Variants in PLEKHM1 observed in about 807,000 individuals in gnomAD.
PLEKHM1 encodes pleckstrin homology and RUN domain containing M1.
PLEKHM1 carries 28 observed loss-of-function variants against 94.3 expected under a neutral mutation model. That is an observed-to-expected ratio of 0.30 (90% CI 0.22 to 0.41). The LOEUF is 0.41. Among genes scored for constraint, PLEKHM1 ranks in the 10% least tolerant of loss-of-function variants. PLEKHM1 has a pLI of 1.00. For missense variants in PLEKHM1, 907 were observed against 1,358.6 expected (o/e 0.67, Z 5.22); for synonymous variants, 424 against 581.2 (o/e 0.73, Z 3.89).
chr17:45,490,706 C>A lies in PLEKHM1; in HGVS notation c.-96G>T. ...GCTCCCGGCCGCGGCAGCCCCTCAG[C>A]CTCCGAGCCGACGATGCGGTCTCTC... On this transcript the variant is annotated 5_prime_UTR_variant, in exon 1 of 12. Transcript: ENST00000430334. The A allele has an allele frequency of 2.2e-6, 1 of 451,340 alleles. No individual in the cohort carries two copies. Among genetic ancestry groups the A allele is most frequent in the Admixed American group, 2.4e-5 (1 of 42,398 alleles). The allele number at this position is 451,340 out of a possible 1,614,324, so 28.0% of individuals were successfully genotyped here.
chr17:45,481,059 C>A, intron 2 of PLEKHM1, among the ~76,000 whole-genome samples: 1 of 152,174 alleles, frequency 6.6e-6, no homozygotes, highest in Non-Finnish European at 1.5e-5. Flanking sequence ...AATCTCTCCA[C>A]ATTTTTGCCA....
intron 2 of PLEKHM1, 134 bp downstream of exon 2, chr17:45,482,303 G>A: frequency 1.8e-6 from 1 of 550,002 alleles, no homozygotes; most frequent in South Asian, 1.7e-5. Context: ...GGTCTCCTCA[G>A]AGCCTGCTTG....
At position 45,468,376 on chromosome 17, in the gene PLEKHM1, G is replaced by A. The variant is rs1195688271; in HGVS notation, c.1141C>T (p.Pro381Ser). The stretch of plus-strand genomic sequence containing the variant: ...GGCTGCTGTAAGTCCAGGGGGCTGG[G>A]CGCCTGGGGACGCGGCTCCTGCACG... ...VHVQEPRPQA[P>S]SPLDLQQPVE... The change falls in exon 5 of 12, where the codon CCC becomes TCC. Residue 381 changes from proline to serine, a missense_variant. By Grantham distance (74) the Pro-to-Ser change is moderately conservative (BLOSUM62 -1). This residue lies in a region of PLEKHM1 where 477 missense variants were observed against 601.5 expected (regional missense o/e 0.79). Coordinates refer to ENST00000430334, the MANE Select transcript of PLEKHM1 (RefSeq NM_014798.3). 1 of 1,614,192 alleles carries A rather than the reference G, an allele frequency of 6.2e-7. No individual in the cohort carries two copies. The highest frequency in any genetic ancestry group is 1.1e-5 in the South Asian group (1 of 91,078).
intron 1 of PLEKHM1, among the ~76,000 whole-genome samples, chr17:45,483,848 A>G (rs2145356251): frequency 6.6e-6 from 1 of 152,214 alleles, no homozygotes; most frequent in Non-Finnish European, 1.5e-5. Context: ...GAGGAAGCCA[A>G]CCCCAGCCCT....
intron 9 of PLEKHM1, among the ~76,000 whole-genome samples, chr17:45,442,564 C>A (rs545405238): frequency 3.1e-4 from 47 of 152,288 alleles, no homozygotes; most frequent in Non-Finnish European, 6.2e-4. Context: ...TGCCACCACG[C>A]CCGGCTAATT....
At chr17:45,489,220 C>A (rs988859692) in intron 1 of PLEKHM1, among the ~76,000 whole-genome samples, 1 of 152,172 alleles carries the variant, frequency 6.6e-6, no homozygotes, top group Non-Finnish European at 1.5e-5. Context: ...GCCTCAGCCT[C>A]CCCAGGACCT....
chr17:45,441,359 A>G (rs1408556049), intron 9 of PLEKHM1, among the ~76,000 whole-genome samples: 1 of 152,116 alleles, frequency 6.6e-6, no homozygotes, highest in East Asian at 1.9e-4. Context: ...TCCGGGGTGG[A>G]GAGGGTGAGT....
chr17:45,462,749 G>A (rs546994183), intron 5 of PLEKHM1, among the ~76,000 whole-genome samples: 1 of 152,322 alleles, frequency 6.6e-6, no homozygotes, highest in South Asian at 2.1e-4. Flanking sequence ...GGTGGGTCAA[G>A]TGGACTGGAA....
chr17:45,482,107 G>C (rs1184339220), intron 2 of PLEKHM1, among the ~76,000 whole-genome samples: 2 of 151,290 alleles, frequency 1.3e-5, no homozygotes, highest in Non-Finnish European at 2.9e-5. Context: ...CAACAAACCA[G>C]TGCCTGGGAA....
At chr17:45,482,764 C>G (rs1481139211) in intron 1 of PLEKHM1, among the ~76,000 whole-genome samples, 1 of 152,102 alleles carries the variant, frequency 6.6e-6, no homozygotes, top group Non-Finnish European at 1.5e-5. Context: ...GGGTCCACCC[C>G]AAGGAGTAGG....
chr17:45,479,598 A>T (rs2145340026), intron 2 of PLEKHM1, among the ~76,000 whole-genome samples: 1 of 152,216 alleles, frequency 6.6e-6, no homozygotes, highest in African/African-American at 2.4e-5. Context: ...AGGCAGGAGA[A>T]TCACTTAAAC....
In PLEKHM1 at chr17:45,445,564, T is replaced by A; in HGVS notation, c.2743A>T (p.Met915Leu). ...NASLYEHVERMHLIGRRREQL... is the reference protein window; with the variant it reads ...NASLYEHVERLHLIGRRREQL... ...TCCCGTCTCCTCCCAATGAGGTGCA[T>A]CCGCTCCACATGCTCGTACAGAGAC... is the stretch of plus-strand genomic sequence containing the variant. Residue 915 changes from methionine to leucine, a missense_variant, in exon 9 of 12, where the codon ATG becomes TTG. Physicochemically the swap from Met to Leu is conservative, Grantham distance 15 (BLOSUM62 2). This residue lies in a region of PLEKHM1 where 254 missense variants were observed against 451.1 expected (regional missense o/e 0.56). Coordinates refer to ENST00000430334, the MANE Select transcript of PLEKHM1 (RefSeq NM_014798.3). The surrounding 1 kb of genome is among the most constrained non-coding windows in gnomAD (Gnocchi z 4.2). 2 of 1,613,788 alleles carry A rather than the reference T, an allele frequency of 1.2e-6. No individual in the cohort carries two copies. Among genetic ancestry groups the A allele is most frequent in the Non-Finnish European group, 1.7e-6 (2 of 1,179,818 alleles).
chr17:45,481,981 G>A (rs1311315637), intron 2 of PLEKHM1, among the ~76,000 whole-genome samples: 2 of 152,088 alleles, frequency 1.3e-5, no homozygotes, highest in Non-Finnish European at 1.5e-5. Flanking sequence ...GGCTGTCCAA[G>A]AAAAGGTCCT....
chr17:45,469,406 G>A (rs2051426247), intron 4 of PLEKHM1, among the ~76,000 whole-genome samples: 1 of 152,188 alleles, frequency 6.6e-6, no homozygotes, highest in Non-Finnish European at 1.5e-5. Flanking sequence ...GGGCCCTCTG[G>A]AATGTGCACT....
At chr17:45,455,313 C>T (rs139618099) in intron 6 of PLEKHM1, among the ~76,000 whole-genome samples, 5,508 of 152,070 alleles carry the variant, frequency 0.036, 340 homozygotes, top group African/African-American at 0.13. Flanking sequence ...CTCTCTGGCT[C>T]GGTCCTCCCT....
chr17:45,440,329 C>G, intron 9 of PLEKHM1, 103 bp from the exon 10 acceptor site: 2 of 1,194,370 alleles, frequency 1.7e-6, no homozygotes, highest in African/African-American at 3.0e-5. Flanking sequence ...AGGCAGACAC[C>G]CCCCGCCTGG....
chr17:45,449,871 T>C (rs2050721393), intron 8 of PLEKHM1, among the ~76,000 whole-genome samples: 1 of 137,330 alleles, frequency 7.3e-6, no homozygotes, highest in African/African-American at 2.8e-5. Flanking sequence ...CCTACCTACC[T>C]ATCCATCCAC....
At chr17:45,482,588 C>T in intron 1 of PLEKHM1, 63 bp from the exon 2 acceptor site, 1 of 908,964 alleles carries the variant, frequency 1.1e-6, no homozygotes, top group Non-Finnish European at 1.8e-6. Flanking sequence ...AGAGTCCATT[C>T]CCAGCAAGCA....
chr17:45,453,756 A>C lies in PLEKHM1; in HGVS notation c.2096T>G (p.Met699Arg). ...LLYLYMDRTW[M>R]PYIFSLSLEA... is the part of the protein sequence containing the mutation. ...CAAGGACAGAGAAAATATATAGGGC[A>C]TCCAGGTCCTGTCCATGTACAAGTA... The change falls in exon 7 of 12, where the codon ATG becomes AGG. Residue 699 changes from methionine (M) to arginine (R), a missense_variant. Transcript: ENST00000430334. This position sits in a 1 kb window ranked among gnomAD's most constrained non-coding sequence, Gnocchi z 4.1. 1.2e-6 allele frequency: 2 copies of C among 1,613,984 alleles called. No individual in the cohort carries two copies. Among genetic ancestry groups the C allele is most frequent in the Non-Finnish European group, 1.7e-6 (2 of 1,179,860 alleles).
Sources: gnomAD v4.1 joint callset for allele counts (sites outside exome capture counted in the v4.1 genomes callset) on GRCh38, gnomAD v4.1.1 for gene constraint, gnomAD v4.1.1 regional missense constraint, Gnocchi (gnomAD v3.1) non-coding constraint, MANE v1.5 for transcripts, NCBI Gene and HGNC (gene_info 2026-07-23, HGNC 2026-07-21) for gene names.